The following UBE2D2 variants were observed in gnomAD, a reference collection of about 807,000 sequenced individuals.
The protein encoded by UBE2D2 is ubiquitin-conjugating enzyme E2 D2.
A neutral mutation model predicts 24.2 loss-of-function variants in UBE2D2; 2 were observed. The ratio of observed to expected loss-of-function variants is 0.08; its 90% CI spans 0.03 to 0.26. The LOEUF is 0.26. Ranked by LOEUF, UBE2D2 falls within the 10% of genes least tolerant of loss-of-function variation. The pLI, the probability that UBE2D2 is intolerant of heterozygous loss-of-function variation, is 1.00. For synonymous variants in UBE2D2, 58 were observed against 56.5 expected, an observed-to-expected ratio of 1.03 and a Z score of -0.12; for missense variants, 44 against 177.6, an observed-to-expected ratio of 0.25 and a Z score of 4.28.
At chr5:139,562,834 G>GT (rs560438077) in intron 1 of UBE2D2, among the ~76,000 whole-genome samples, 2 of 151,594 alleles carry the variant, frequency 1.3e-5, no homozygotes, top group East Asian at 1.9e-4. Flanking sequence ...CCACTTTCAT[G>GT]TTTTTTTTCT....
chr5:139,532,617 C>T (rs1337126981), intron 1 of UBE2D2, among the ~76,000 whole-genome samples: 1 of 152,058 alleles, frequency 6.6e-6, no homozygotes, highest in South Asian at 2.1e-4. Flanking sequence ...TCCCAAAATG[C>T]TGGGATTACA....
chr5:139,596,718 T>C (rs1188804579), intron 1 of UBE2D2, among the ~76,000 whole-genome samples: 1 of 151,712 alleles, frequency 6.6e-6, no homozygotes, highest in Non-Finnish European at 1.5e-5. Flanking sequence ...CTGGGAAACA[T>C]AGTGAGACCT....
intron 1 of UBE2D2, among the ~76,000 whole-genome samples, chr5:139,542,126 G>A (rs1011476343): frequency 6.6e-6 from 1 of 152,266 alleles, no homozygotes; most frequent in South Asian, 2.1e-4. Flanking sequence ...GGCGGAGGTT[G>A]CAGTGAGCTG....
intron 1 of UBE2D2, among the ~76,000 whole-genome samples, chr5:139,574,748 A>AAAAAAG (rs986869692): frequency 6.6e-6 from 1 of 151,248 alleles, no homozygotes; most frequent in Non-Finnish European, 1.5e-5. Context: ...AAAAAAAAAA[A>AAAAAAG]AAAAAGAAAA....
intron 2 of UBE2D2, among the ~76,000 whole-genome samples, chr5:139,606,156 TTTTG>T (rs1318435695): frequency 2.6e-5 from 4 of 151,308 alleles, no homozygotes; most frequent in Admixed American, 6.6e-5. Context: ...TCCCCTGCTG[TTTTG>T]TTTGTTTGTT....
At chr5:139,617,433 A>G (rs1581532517) in intron 5 of UBE2D2, among the ~76,000 whole-genome samples, 2 of 142,164 alleles carry the variant, frequency 1.4e-5, no homozygotes, top group Middle Eastern at 7.4e-3. Flanking sequence ...CTGGAGTGCA[A>G]TGGTGTGATC....
chr5:139,535,393 T>G (rs1383357792), intron 1 of UBE2D2, among the ~76,000 whole-genome samples: 3 of 150,942 alleles, frequency 2.0e-5, no homozygotes, highest in Admixed American at 1.3e-4. Flanking sequence ...GAGGCAGAGG[T>G]TGCAGTGAGC....
chr5:139,586,796 A>G (rs1191119737), intron 1 of UBE2D2, among the ~76,000 whole-genome samples: 1 of 152,176 alleles, frequency 6.6e-6, no homozygotes. Flanking sequence ...TAAAATGTCT[A>G]TAGTTTTTTG....
chr5:139,587,499 C>T (rs1159795475), intron 1 of UBE2D2, among the ~76,000 whole-genome samples: 2 of 151,562 alleles, frequency 1.3e-5, no homozygotes, highest in Non-Finnish European at 2.9e-5. Flanking sequence ...GCTAAGATGG[C>T]GAAACCCCGT....
chr5:139,570,715 G>A lies in UBE2D2; in HGVS notation c.24+8900G>A, dbSNP rs541838220. Among the ~76,000 whole-genome samples the A allele has an allele frequency of 3.7e-4, 57 of 152,172 alleles. No homozygotes were observed. The South Asian group carries it at 0.011, about 30-fold the overall frequency. Reference sequence around the variant, plus strand: ...TTTAGTAGAGATGGGGTCTCACTATGTTAGCCAGGATGGTCTCGATCTCCT... The same window carrying A: ...TTTAGTAGAGATGGGGTCTCACTATATTAGCCAGGATGGTCTCGATCTCCT... On this transcript the variant is annotated intron_variant, in intron 1 of 6. Transcript: ENST00000398733.
chr5:139,550,895 A>G (rs916158757), intron 1 of UBE2D2, among the ~76,000 whole-genome samples: 1 of 152,204 alleles, frequency 6.6e-6, no homozygotes, highest in Non-Finnish European at 1.5e-5. Context: ...AGCACTCATC[A>G]TGAGAGTCTG....
chr5:139,559,313 G>A (rs1391623874), upstream of UBE2D2, among the ~76,000 whole-genome samples: 1 of 151,890 alleles, frequency 6.6e-6, no homozygotes, highest in Non-Finnish European at 1.5e-5. Flanking sequence ...TGTAGTCCCA[G>A]CTACTCGGGA....
intron 1 of UBE2D2, among the ~76,000 whole-genome samples, chr5:139,543,971 C>T (rs1284061627): frequency 1.7e-5 from 2 of 120,216 alleles, no homozygotes; most frequent in Non-Finnish European, 3.2e-5. Context: ...CCACAGAAGA[C>T]AAAGGATTTT....
At chr5:139,605,479 C>T (rs1321022703) in intron 2 of UBE2D2, among the ~76,000 whole-genome samples, 2 of 149,538 alleles carry the variant, frequency 1.3e-5, no homozygotes, top group East Asian at 4.0e-4. Flanking sequence ...GTAGTCCCAG[C>T]TATTCAGGAG....
At chr5:139,546,470 G>A (rs916159468) in intron 1 of UBE2D2, among the ~76,000 whole-genome samples, 1 of 148,180 alleles carries the variant, frequency 6.7e-6, no homozygotes, top group Non-Finnish European at 1.5e-5. Context: ...GGCGTGAGCC[G>A]ACTGTGCCTG....
chr5:139,578,072 A>G (rs574523586), intron 1 of UBE2D2, among the ~76,000 whole-genome samples: 23 of 152,128 alleles, frequency 1.5e-4, no homozygotes, highest in Non-Finnish European at 2.2e-4. Context: ...GTCTATTCAC[A>G]TAGACTCTTC....
intron 1 of UBE2D2, among the ~76,000 whole-genome samples, chr5:139,549,770 A>C (rs195673): frequency 2.6e-5 from 4 of 152,352 alleles, no homozygotes; most frequent in East Asian, 1.9e-4. Flanking sequence ...GCCCCGGCCC[A>C]GCACAGGATC....
chr5:139,527,332 T>G (rs984027455), intron 1 of UBE2D2, among the ~76,000 whole-genome samples: 4 of 152,174 alleles, frequency 2.6e-5, no homozygotes, highest in African/African-American at 9.7e-5. Flanking sequence ...CATAAGCAGC[T>G]GGCAGAGGCA....
intron 1 of UBE2D2, among the ~76,000 whole-genome samples, chr5:139,592,359 C>T (rs896436345): frequency 6.6e-6 from 1 of 152,078 alleles, no homozygotes; most frequent in Non-Finnish European, 1.5e-5. Context: ...CCTTTTATCT[C>T]TGATGCTTTT....
Sources: allele counts gnomAD v4.1 joint callset (sites outside exome capture counted in the v4.1 genomes callset), GRCh38; gene constraint gnomAD v4.1.1; transcripts MANE v1.5; gene names NCBI Gene and HGNC (gene_info 2026-07-23, HGNC 2026-07-21).